Variants in ATP2B2 observed in about 807,000 individuals in gnomAD.
The protein encoded by ATP2B2 is plasma membrane calcium-transporting ATPase 2.
Under a neutral mutation model 120.0 loss-of-function variants are expected in ATP2B2, and 15 were observed. That is an observed-to-expected ratio of 0.12 (90% CI 0.08 to 0.19). The LOEUF (loss-of-function observed/expected upper bound fraction) is 0.19. ATP2B2 is among the 10% of genes least tolerant of loss of function. The pLI, the probability that ATP2B2 is intolerant of heterozygous loss-of-function variation, is 1.00. For synonymous variants in ATP2B2, 694 were observed against 700.3 expected (o/e 0.99, Z 0.14); for missense variants, 1,045 against 1,719.8 (o/e 0.61, Z 6.94).
intron 2 of ATP2B2, among the ~76,000 whole-genome samples, chr3:10,425,173 G>A (rs2063108392): frequency 6.6e-6 from 1 of 151,804 alleles, no homozygotes; most frequent in Non-Finnish European, 1.5e-5. Flanking sequence ...AGCTGGGCGT[G>A]GTTGTGCACG....
At chr3:10,585,100 C>T (rs1043944009) in intron 2 of ATP2B2, among the ~76,000 whole-genome samples, 1 of 152,174 alleles carries the variant, frequency 6.6e-6, no homozygotes, top group Non-Finnish European at 1.5e-5. Flanking sequence ...CACACCTGCC[C>T]TGCTGTAGCC....
At chr3:10,640,270 A>T (rs2070136689) in intron 1 of ATP2B2, among the ~76,000 whole-genome samples, 1 of 152,094 alleles carries the variant, frequency 6.6e-6, no homozygotes, top group South Asian at 2.1e-4. Context: ...ATGATTGGGG[A>T]ACTACGTCAG....
chr3:10,585,944 T>A (rs1276154263), intron 2 of ATP2B2, among the ~76,000 whole-genome samples: 2 of 152,238 alleles, frequency 1.3e-5, no homozygotes, highest in Non-Finnish European at 2.9e-5. Context: ...AACCATGGGC[T>A]ATCTCCTATC....
At chr3:10,421,165 G>A (rs1266642431) in intron 2 of ATP2B2, among the ~76,000 whole-genome samples, 3 of 152,204 alleles carry the variant, frequency 2.0e-5, no homozygotes, top group African/African-American at 7.2e-5. Context: ...GGAGGAGGGT[G>A]AGGAGGAAGC....
rs151233755 is a variant in ATP2B2, at chr3:10,681,515, C to T, written c.-460+26400G>A. ...GAAGTGCCCAATGCACTCACTCACT[C>T]GCTCACTCACCTGTTCATGCAAACA... is the stretch of plus-strand genomic sequence containing the variant. On this transcript the variant is annotated intron_variant, in intron 1 of 21. Transcript: ENST00000646379. 2.0e-5 allele frequency among the ~76,000 whole-genome samples: 3 copies of T among 152,356 alleles called. 1 individual carries two copies. The highest frequency in any genetic ancestry group is 7.2e-5 in the African/African-American group (3 of 41,586).
At chr3:10,419,882 C>G (rs1448009549) in intron 2 of ATP2B2, among the ~76,000 whole-genome samples, 2 of 152,202 alleles carry the variant, frequency 1.3e-5, no homozygotes, top group Non-Finnish European at 2.9e-5. Flanking sequence ...AATGTGAATG[C>G]TGATTCACTC....
At chr3:10,353,817 C>G (rs1202732832) in intron 14 of ATP2B2, among the ~76,000 whole-genome samples, 1 of 152,130 alleles carries the variant, frequency 6.6e-6, no homozygotes, top group Admixed American at 6.5e-5. Context: ...GACCAACGGG[C>G]TGGGCTGGGC....
intron 2 of ATP2B2, among the ~76,000 whole-genome samples, chr3:10,565,934 C>T (rs554692981): frequency 9.9e-5 from 15 of 152,248 alleles, no homozygotes; most frequent in African/African-American, 3.1e-4. Flanking sequence ...TTCCACCTAC[C>T]GACCCCCTCA....
At chr3:10,386,131 C>T (rs896527182) in intron 7 of ATP2B2, among the ~76,000 whole-genome samples, 2 of 152,152 alleles carry the variant, frequency 1.3e-5, no homozygotes, top group African/African-American at 2.4e-5. Context: ...CATGGGCTCC[C>T]CAGGGGTGCT....
intron 1 of ATP2B2, among the ~76,000 whole-genome samples, chr3:10,702,229 T>A (rs1671426206): frequency 6.6e-6 from 1 of 152,206 alleles, no homozygotes; most frequent in Non-Finnish European, 1.5e-5. Flanking sequence ...TTTAGCCACA[T>A]CACAGGCTTG....
Position 10,635,425 on chromosome 3 carries a change from G to T in ATP2B2, c.-459-15464C>A, listed in dbSNP as rs11716270. Among the ~76,000 whole-genome samples, 7,628 of 152,156 alleles carry T rather than the reference G, an allele frequency of 0.05. 224 individuals carry two copies. The highest frequency in any genetic ancestry group is 0.16 in the South Asian group (775 of 4,800). On this transcript the variant is annotated intron_variant, in intron 1 of 21. Transcript: ENST00000646379. This position sits in a 1 kb window ranked among gnomAD's most constrained non-coding sequence, Gnocchi z 4.3. ...TTCCCTCCTCCAGTGACAGACTGAG[G>T]ACACCAGGCAACATGACTTTCCAGC...
At chr3:10,378,126 G>A in intron 10 of ATP2B2, 126 bp downstream of exon 10, 1 of 1,299,252 alleles carries the variant, frequency 7.7e-7, no homozygotes, top group South Asian at 1.5e-5. Context: ...AGAGAAAGGT[G>A]GGCTTCAGGC....
intron 1 of ATP2B2, among the ~76,000 whole-genome samples, chr3:10,450,678 A>AGG (rs143908980): frequency 4.5e-4 from 68 of 151,992 alleles, no homozygotes; most frequent in African/African-American, 1.6e-3. Flanking sequence ...TGGCAGGGGG[A>AGG]GGGGGGTCCC....
chr3:10,612,833 A>G (rs1413558010), intron 2 of ATP2B2, among the ~76,000 whole-genome samples: 1 of 152,250 alleles, frequency 6.6e-6, no homozygotes, highest in Non-Finnish European at 1.5e-5. Flanking sequence ...TGGTTGTATA[A>G]TAAAACTTTG....
chr3:10,556,646 C>T (rs2067786129), intron 2 of ATP2B2, among the ~76,000 whole-genome samples: 1 of 152,178 alleles, frequency 6.6e-6, no homozygotes, highest in South Asian at 2.1e-4. Flanking sequence ...TGGGGTGTGC[C>T]TGGCGTGTTT....
chr3:10,609,333 G>C (rs2069167831), intron 2 of ATP2B2, among the ~76,000 whole-genome samples: 1 of 151,954 alleles, frequency 6.6e-6, no homozygotes. Context: ...GAGACACAGA[G>C]AGCCGCTGCT....
At chr3:10,656,424 C>G (rs903973696) in intron 1 of ATP2B2, among the ~76,000 whole-genome samples, 38 of 152,210 alleles carry the variant, frequency 2.5e-4, no homozygotes, top group African/African-American at 8.7e-4. Flanking sequence ...CCCTCAGGAA[C>G]TGGCTGAGAA....
intron 22 of ATP2B2, among the ~76,000 whole-genome samples, chr3:10,332,550 C>G (rs1436116795): frequency 6.6e-6 from 1 of 152,176 alleles, no homozygotes; most frequent in African/African-American, 2.4e-5. Flanking sequence ...GTCTTGGCCA[C>G]GCTGGTAGAA....
chr3:10,387,734 T>G (rs954790682), intron 6 of ATP2B2: 4 of 179,662 alleles, frequency 2.2e-5, no homozygotes, highest in African/African-American at 9.5e-5. Context: ...GGAGGAAGAA[T>G]CAGAACTCAG....
Sources: gnomAD v4.1 joint callset for allele counts (sites outside exome capture counted in the v4.1 genomes callset) on GRCh38, gnomAD v4.1.1 for gene constraint, Gnocchi (gnomAD v3.1) non-coding constraint, MANE v1.5 for transcripts, NCBI Gene and HGNC (gene_info 2026-07-23, HGNC 2026-07-21) for gene names.